DPYD: variants seen among roughly 807,000 people sequenced by gnomAD.
DPYD encodes the protein dihydropyrimidine dehydrogenase.
In DPYD, 109 loss-of-function variants were observed where a neutral mutation model predicts 116.2. The ratio of observed to expected loss-of-function variants is 0.94; its 90% confidence interval spans 0.80 to 1.10. The LOEUF (loss-of-function observed/expected upper bound fraction) is 1.10. Ranked by LOEUF, DPYD falls within the 50% of genes least tolerant of loss-of-function variation. DPYD has a pLI of 0.00. For missense variants in DPYD, 1,302 were observed against 1,254.5 expected (o/e 1.04, Z -0.57); for synonymous variants, 440 against 432.0 (o/e 1.02, Z -0.23).
chr1:97,339,199 A>G (rs1433119924), intron 16 of DPYD, among the ~76,000 whole-genome samples: 1 of 152,164 alleles, frequency 6.6e-6, no homozygotes, highest in Non-Finnish European at 1.5e-5. Flanking sequence ...ATAACATGCA[A>G]AGAGAAGTAG....
intron 12 of DPYD, among the ~76,000 whole-genome samples, chr1:97,548,896 A>G (rs1651106452): frequency 6.6e-6 from 1 of 152,150 alleles, no homozygotes; most frequent in South Asian, 2.1e-4. Flanking sequence ...CTTTTGGAGT[A>G]TGTAAGATTA....
intron 3 of DPYD, among the ~76,000 whole-genome samples, chr1:97,823,840 C>T (rs1005070730): frequency 1.4e-5 from 2 of 145,230 alleles, no homozygotes; most frequent in Admixed American, 1.4e-4. Flanking sequence ...TTCCTTTGGG[C>T]CATGTGAAGT....
At chr1:97,843,487 T>G (rs893211057) in intron 2 of DPYD, among the ~76,000 whole-genome samples, 1 of 152,216 alleles carries the variant, frequency 6.6e-6, no homozygotes, top group Non-Finnish European at 1.5e-5. Flanking sequence ...TGGAGCCTTC[T>G]GAACAATCCC....
At chr1:97,231,053 A>T (rs764558569) in intron 19 of DPYD, among the ~76,000 whole-genome samples, 8 of 152,342 alleles carry the variant, frequency 5.3e-5, no homozygotes, top group East Asian at 1.9e-4. Context: ...TACTCTATGT[A>T]TATTTACATA....
Position 97,193,078 on chromosome 1 carries a change from G to T in DPYD, c.2613C>A (p.Leu871=). The change falls in exon 20 of 23, where the codon CTC becomes CTA. Residue 871 remains leucine, a synonymous_variant. Transcript: ENST00000370192. ...KGKPVPRIAE[L]MDKKLPSFGP... ...AGATTTAAGCACATACCTTGTCCAT[G>T]AGTTCAGCTATACGTGGAACTGGTT... 1.2e-5 allele frequency: 20 copies of T among 1,613,898 alleles called. No homozygotes were observed. Among genetic ancestry groups the T allele is most frequent in the Non-Finnish European group, 1.7e-5 (20 of 1,179,872 alleles).
At chr1:97,130,315 A>T (rs1209084135) in intron 20 of DPYD, among the ~76,000 whole-genome samples, 1 of 152,188 alleles carries the variant, frequency 6.6e-6, no homozygotes, top group Non-Finnish European at 1.5e-5. Context: ...TGTATCAGAG[A>T]TGTGGTTCTA....
intron 1 of DPYD, among the ~76,000 whole-genome samples, chr1:97,908,430 C>T (rs1673758675): frequency 6.6e-6 from 1 of 151,946 alleles, no homozygotes; most frequent in Admixed American, 6.6e-5. Context: ...ATCTACCAAC[C>T]CCAGGGGGTT....
intron 20 of DPYD, among the ~76,000 whole-genome samples, chr1:97,110,606 G>C (rs779636469): frequency 1.2e-4 from 19 of 152,046 alleles, no homozygotes; most frequent in Non-Finnish European, 2.4e-4. Context: ...TGACCCTACA[G>C]CCACTTTCAG....
intron 14 of DPYD, among the ~76,000 whole-genome samples, chr1:97,427,963 T>C (rs954524913): frequency 6.6e-6 from 1 of 152,160 alleles, no homozygotes; most frequent in African/African-American, 2.4e-5. Context: ...GTTTCTCTTA[T>C]GTGCAATTCA....
At chr1:97,561,693 A>T (rs1652161026) in intron 11 of DPYD, among the ~76,000 whole-genome samples, 1 of 152,208 alleles carries the variant, frequency 6.6e-6, no homozygotes, top group Non-Finnish European at 1.5e-5. Context: ...AAAACATTTC[A>T]TGAATTAGCA....
intron 19 of DPYD, among the ~76,000 whole-genome samples, chr1:97,204,281 A>G (rs1170462713): frequency 2.0e-5 from 3 of 152,172 alleles, no homozygotes; most frequent in Non-Finnish European, 4.4e-5. Context: ...GTTTTGCAGA[A>G]AGACCAGGAA....
intron 10 of DPYD, among the ~76,000 whole-genome samples, chr1:97,589,918 G>C (rs1041783640): frequency 3.9e-5 from 6 of 152,142 alleles, no homozygotes; most frequent in African/African-American, 1.2e-4. Context: ...GTTTTTACTA[G>C]GGGAGACAGT....
In DPYD at chr1:97,291,695, G is replaced by A. The variant is rs964708009; in HGVS notation, c.2299+13564C>T. 3.9e-5 allele frequency among the ~76,000 whole-genome samples: 6 copies of A among 151,996 alleles called. No homozygotes were observed. In the South Asian group the frequency reaches 1.3e-3, roughly 32 times the overall value. On this transcript the variant is annotated intron_variant, in intron 18 of 22. Transcript: ENST00000370192. ...CACTCTGGGGACTGTTGTGGGGTGG[G>A]GGGAGTGGGGAGGGATAGCATTAGG...
At chr1:97,377,389 T>C (rs1671694855) in intron 15 of DPYD, among the ~76,000 whole-genome samples, 1 of 152,190 alleles carries the variant, frequency 6.6e-6, no homozygotes, top group Admixed American at 6.5e-5. Context: ...TTTATCTATC[T>C]ACCTATCAAT....
chr1:97,197,965 C>T (rs567294521), intron 19 of DPYD, among the ~76,000 whole-genome samples: 4 of 152,154 alleles, frequency 2.6e-5, no homozygotes, highest in Non-Finnish European at 4.4e-5. Flanking sequence ...ACACCACTTA[C>T]GTACCTTTAC....
chr1:97,860,522 T>G (rs1032525171), intron 2 of DPYD, among the ~76,000 whole-genome samples: 2 of 152,246 alleles, frequency 1.3e-5, no homozygotes, highest in South Asian at 4.1e-4. Flanking sequence ...CAGAGAATTA[T>G]GCACAAAGTA....
At chr1:97,202,600 C>T (rs1659285011) in intron 19 of DPYD, among the ~76,000 whole-genome samples, 1 of 152,198 alleles carries the variant, frequency 6.6e-6, no homozygotes, top group African/African-American at 2.4e-5. Flanking sequence ...GCCACCCACT[C>T]GACTACTATT....
chr1:97,639,440 T>C (rs1657754957), intron 8 of DPYD, among the ~76,000 whole-genome samples: 1 of 152,126 alleles, frequency 6.6e-6, no homozygotes, highest in Non-Finnish European at 1.5e-5. Context: ...AACTGTTATT[T>C]TGTGTGTGTA....
intron 13 of DPYD, among the ~76,000 whole-genome samples, chr1:97,476,265 G>C (rs567467367): frequency 6.6e-6 from 1 of 152,148 alleles, no homozygotes; most frequent in African/African-American, 2.4e-5. Context: ...TTTCTGGGTT[G>C]GACTATCAAT....
Sources: allele counts gnomAD v4.1 joint callset (sites outside exome capture counted in the v4.1 genomes callset), GRCh38; gene constraint gnomAD v4.1.1; transcripts MANE v1.5; gene names NCBI Gene and HGNC (gene_info 2026-07-23, HGNC 2026-07-21).